OPCML: variants seen among roughly 807,000 people sequenced by gnomAD.
OPCML encodes the protein opioid binding protein/cell adhesion molecule like.
In OPCML, 13 loss-of-function variants were observed where a neutral mutation model predicts 37.8. The ratio of observed to expected loss-of-function variants is 0.34; its 90% CI spans 0.22 to 0.55. OPCML has a LOEUF of 0.55. Among genes scored for constraint, OPCML ranks in the 20% least tolerant of loss-of-function variants. The pLI, the probability that OPCML is intolerant of heterozygous loss-of-function variation, is 0.91. For missense variants in OPCML, 341 were observed against 435.6 expected (o/e 0.78, Z 1.93); for synonymous variants, 176 against 168.8 (o/e 1.04, Z -0.33).
chr11:132,640,630 T>C (rs184083367), intron 3 of OPCML, among the ~76,000 whole-genome samples: 22 of 152,308 alleles, frequency 1.4e-4, no homozygotes, highest in African/African-American at 4.8e-4. Context: ...ACATTTCTGT[T>C]CATATAGAGG....
intron 1 of OPCML, among the ~76,000 whole-genome samples, chr11:133,337,544 C>A (rs1032822323): frequency 3.3e-5 from 5 of 152,296 alleles, no homozygotes; most frequent in African/African-American, 9.6e-5. Context: ...AGTCAGCAAC[C>A]ACTTTAGTGC....
chr11:132,939,552 G>A (rs764297794), intron 2 of OPCML, among the ~76,000 whole-genome samples: 8 of 152,302 alleles, frequency 5.3e-5, no homozygotes, highest in Non-Finnish European at 1.0e-4. Context: ...GAGTGGAACA[G>A]TTACAACCAC....
At chr11:133,082,523 T>C (rs1172908259) in intron 1 of OPCML, among the ~76,000 whole-genome samples, 1 of 115,520 alleles carries the variant, frequency 8.7e-6, no homozygotes, top group Non-Finnish European at 1.9e-5. Flanking sequence ...CCTCCCCTCC[T>C]CCCCTCCTCA....
At chr11:133,253,556 C>A (rs1057086009) in intron 1 of OPCML, among the ~76,000 whole-genome samples, 1 of 152,182 alleles carries the variant, frequency 6.6e-6, no homozygotes, top group Admixed American at 6.5e-5. Flanking sequence ...GTGATCCACC[C>A]ACCTCGGCCT....
chr11:132,751,282 C>T (rs543572248), intron 2 of OPCML, among the ~76,000 whole-genome samples: 25 of 152,234 alleles, frequency 1.6e-4, no homozygotes, highest in African/African-American at 5.5e-4. Flanking sequence ...ACTCCTCCAG[C>T]GGTGGTGAGA....
At chr11:132,604,529 G>A (rs1401834873) in intron 3 of OPCML, among the ~76,000 whole-genome samples, 1 of 152,030 alleles carries the variant, frequency 6.6e-6, no homozygotes, top group Non-Finnish European at 1.5e-5. Flanking sequence ...TATGAACTCT[G>A]AGGCCTTTTC....
intron 1 of OPCML, among the ~76,000 whole-genome samples, chr11:133,057,292 A>G (rs957207356): frequency 2.6e-5 from 4 of 152,208 alleles, no homozygotes; most frequent in Non-Finnish European, 4.4e-5. Flanking sequence ...AGGAGGGCCA[A>G]TGTAGATCAT....
chr11:133,401,065 C>T (rs534132242), intron 1 of OPCML, among the ~76,000 whole-genome samples: 4 of 152,212 alleles, frequency 2.6e-5, no homozygotes, highest in African/African-American at 9.6e-5. Flanking sequence ...CAGCAATTTC[C>T]CCAAGTTTAG....
intron 1 of OPCML, among the ~76,000 whole-genome samples, chr11:132,978,353 C>T (rs1946509717): frequency 6.6e-6 from 1 of 152,186 alleles, no homozygotes; most frequent in African/African-American, 2.4e-5. Context: ...CATAGTCCCC[C>T]TGATGTCACA....
intron 4 of OPCML, among the ~76,000 whole-genome samples, chr11:132,454,419 C>G (rs2096076216): frequency 6.6e-6 from 1 of 152,180 alleles, no homozygotes; most frequent in Non-Finnish European, 1.5e-5. Flanking sequence ...AGCCAGAGCC[C>G]ACTCTTCCGA....
At chr11:133,161,021 C>T (rs755569084) in intron 1 of OPCML, among the ~76,000 whole-genome samples, 6 of 152,192 alleles carry the variant, frequency 3.9e-5, no homozygotes, top group South Asian at 4.1e-4. Context: ...AGGCCTGGTG[C>T]GGGGCAGGCA....
At chr11:133,493,731 T>G (rs950419283) in intron 1 of OPCML, among the ~76,000 whole-genome samples, 3 of 152,296 alleles carry the variant, frequency 2.0e-5, no homozygotes, top group Admixed American at 2.0e-4. Context: ...GCATAATATT[T>G]TAAGAGTTTT....
At chr11:132,634,838 C>G (rs1334741010) in intron 3 of OPCML, among the ~76,000 whole-genome samples, 2 of 151,910 alleles carry the variant, frequency 1.3e-5, no homozygotes, top group Non-Finnish European at 2.9e-5. Context: ...CACATTTTTT[C>G]CACTATCACC....
chr11:132,585,827 C>T (rs1157086624), intron 3 of OPCML, among the ~76,000 whole-genome samples: 1 of 152,164 alleles, frequency 6.6e-6, no homozygotes, highest in African/African-American at 2.4e-5. Flanking sequence ...AGTTTTAAGA[C>T]TCAGAATCCA....
chr11:132,698,307 T>A (rs1393048782), intron 2 of OPCML, among the ~76,000 whole-genome samples: 1 of 152,188 alleles, frequency 6.6e-6, no homozygotes, highest in Non-Finnish European at 1.5e-5. Flanking sequence ...CCAACACTGA[T>A]CTTTTGTCAT....
chr11:133,394,838 A>T (rs1236028905), intron 1 of OPCML, among the ~76,000 whole-genome samples: 1 of 152,198 alleles, frequency 6.6e-6, no homozygotes, highest in East Asian at 1.9e-4. Flanking sequence ...CAAACATGAG[A>T]GTGCAGACAT....
At chr11:132,838,767 T>G (rs987228585) in intron 2 of OPCML, among the ~76,000 whole-genome samples, 3 of 151,878 alleles carry the variant, frequency 2.0e-5, no homozygotes, top group Non-Finnish European at 4.4e-5. Context: ...AGAGTGGAAG[T>G]TTAGAGATCA....
At chr11:133,204,219 T>C (rs982692785) in intron 1 of OPCML, among the ~76,000 whole-genome samples, 1 of 152,228 alleles carries the variant, frequency 6.6e-6, no homozygotes, top group Non-Finnish European at 1.5e-5. Flanking sequence ...TTTATTGTTA[T>C]CTGAATGTCA....
intron 1 of OPCML, among the ~76,000 whole-genome samples, chr11:133,063,273 C>T (rs1948382058): frequency 6.6e-6 from 1 of 152,152 alleles, no homozygotes; most frequent in Non-Finnish European, 1.5e-5. Flanking sequence ...GTCCCCTGGG[C>T]CACGGCTAGC....
Sources: allele counts gnomAD v4.1 joint callset (sites outside exome capture counted in the v4.1 genomes callset), GRCh38; gene constraint gnomAD v4.1.1; transcripts MANE v1.5; gene names NCBI Gene and HGNC (gene_info 2026-07-23, HGNC 2026-07-21).